NELL1: variants seen among roughly 807,000 people sequenced by gnomAD.
NELL1 encodes the protein protein kinase C-binding protein NELL1.
Under a neutral mutation model 107.4 loss-of-function variants are expected in NELL1, and 76 were observed. The observed-to-expected ratio is 0.71, with a 90% CI of 0.59 to 0.86. The LOEUF is 0.86. Ranked by LOEUF, NELL1 falls within the 40% of genes least tolerant of loss-of-function variation. The pLI, the probability that NELL1 is intolerant of heterozygous loss-of-function variation, is 0.00. For missense variants in NELL1, 1,024 were observed against 1,005.5 expected, an observed-to-expected ratio of 1.02 and a Z score of -0.25; for synonymous variants, 353 against 341.2, an observed-to-expected ratio of 1.03 and a Z score of -0.38.
At chr11:21,070,807 T>C (rs898325222) in intron 12 of NELL1, among the ~76,000 whole-genome samples, 2 of 152,184 alleles carry the variant, frequency 1.3e-5, no homozygotes, top group Non-Finnish European at 2.9e-5. Context: ...GATTTGAGCC[T>C]AAAGATGCCT....
intron 15 of NELL1, among the ~76,000 whole-genome samples, chr11:21,493,517 G>A (rs548002811): frequency 1.2e-3 from 114 of 94,894 alleles, no homozygotes; most frequent in African/African-American, 4.4e-3. Context: ...TCTCACTTAT[G>A]TGTAGGAGCT....
At chr11:21,145,914 C>T (rs1477316042) in intron 13 of NELL1, among the ~76,000 whole-genome samples, 2 of 152,160 alleles carry the variant, frequency 1.3e-5, no homozygotes, top group African/African-American at 4.8e-5. Flanking sequence ...TTATGTCTTT[C>T]CCTCATTCTA....
rs1459238244 is a variant in NELL1 at position 20,782,190 on chromosome 11, A to C, written c.185-1490A>C. On this transcript the variant is annotated intron_variant, in intron 2 of 19. Transcript: ENST00000357134. Reference sequence around the variant, plus strand: ...GCTGGGATTTTGTAGAAGGCATAGAAGCATTTTTCAAGATGCTATCTCTTT... The same window carrying C: ...GCTGGGATTTTGTAGAAGGCATAGACGCATTTTTCAAGATGCTATCTCTTT... Among the ~76,000 whole-genome samples, 9 of 152,346 alleles carry C rather than the reference A, an allele frequency of 5.9e-5. 1 individual carries two copies. The South Asian group carries it at 8.3e-4, about 14-fold the overall frequency.
intron 2 of NELL1, among the ~76,000 whole-genome samples, chr11:20,779,400 G>A (rs572123516): frequency 3.9e-5 from 6 of 152,274 alleles, no homozygotes; most frequent in African/African-American, 1.4e-4. Context: ...ATGTTTCACA[G>A]GTTTCTAACT....
intron 12 of NELL1, among the ~76,000 whole-genome samples, chr11:21,052,605 C>T (rs998408075): frequency 6.6e-6 from 1 of 152,102 alleles, no homozygotes; most frequent in African/African-American, 2.4e-5. Flanking sequence ...AGGAAATCTC[C>T]AGCTGTGCTG....
chr11:20,843,018 A>G (rs1045806457), intron 3 of NELL1, among the ~76,000 whole-genome samples: 11 of 152,170 alleles, frequency 7.2e-5, no homozygotes, highest in Admixed American at 5.9e-4. Flanking sequence ...AGGTCTTACA[A>G]AATTGTAGGC....
intron 13 of NELL1, among the ~76,000 whole-genome samples, chr11:21,203,633 G>A (rs1275938077): frequency 6.6e-6 from 1 of 152,104 alleles, no homozygotes; most frequent in Admixed American, 6.6e-5. Context: ...ATACTGTTAT[G>A]TGTGAATTTG....
At chr11:21,303,127 A>G (rs185647296) in intron 14 of NELL1, among the ~76,000 whole-genome samples, 1 of 131,646 alleles carries the variant, frequency 7.6e-6, no homozygotes, top group African/African-American at 2.6e-5. Context: ...TCTTCTGTCT[A>G]TCTATACACA....
chr11:21,447,850 T>C (rs759474584), intron 15 of NELL1, among the ~76,000 whole-genome samples: 1 of 152,076 alleles, frequency 6.6e-6, no homozygotes, highest in Non-Finnish European at 1.5e-5. Context: ...GCACATCAAG[T>C]ATATTTAGGA....
Position 20,991,991 on chromosome 11 carries a change from C to CAAAAAAA in NELL1, c.1300+31445_1300+31451dup, listed in dbSNP as rs57278158. Among the ~76,000 whole-genome samples the CAAAAAAA allele has an allele frequency of 8.2e-5, 9 of 110,042 alleles. 1 individual carries two copies. Among genetic ancestry groups the CAAAAAAA allele is most frequent in the African/African-American group, 1.7e-4 (5 of 29,044 alleles). The allele number at this position is 110,042 out of a possible 152,430, so 72.2% of individuals were successfully genotyped here. A position where few individuals can be genotyped will look rare whatever the true frequency, so the allele number is the denominator to read the frequency against. ...GTTCTTTCAAAGCCAGTGTAGCATG[C>CAAAAAAA]AAAAAAAAAAAAAAAAAAAAGTTGA... On this transcript the variant is annotated intron_variant, in intron 12 of 19. Transcript: ENST00000357134.
At chr11:20,839,314 C>T (rs1225810710) in intron 3 of NELL1, among the ~76,000 whole-genome samples, 1 of 152,140 alleles carries the variant, frequency 6.6e-6, no homozygotes, top group Non-Finnish European at 1.5e-5. Flanking sequence ...TTTGTAATTG[C>T]TGTCACGATT....
chr11:21,100,606 C>G (rs899538714), intron 12 of NELL1, among the ~76,000 whole-genome samples: 2 of 152,186 alleles, frequency 1.3e-5, no homozygotes, highest in Non-Finnish European at 2.9e-5. Context: ...TAGACATATA[C>G]TCCAAGGAAC....
rs150883714 is a variant in NELL1 at position 20,938,008 on chromosome 11, C to G, written c.1071+149C>G. 1,044 of 687,976 alleles carry G rather than the reference C, an allele frequency of 1.5e-3. 4 individuals carry two copies. In the African/African-American group the frequency reaches 0.016, roughly 11 times the overall value. 42.6% of individuals were successfully genotyped at this position (687,976 alleles called of 1,614,324 possible). A position where few individuals can be genotyped will look rare whatever the true frequency, so the allele number is the denominator to read the frequency against. On this transcript the variant is annotated intron_variant, in intron 10 of 19. Coordinates refer to ENST00000357134, the MANE Select transcript of NELL1 (RefSeq NM_006157.5). ...TGCGGTGGGTTGGATTACATGATGGCGAGGATCCAGCCAGGCCATTTATGT... is the reference window on the plus strand; with the variant it reads ...TGCGGTGGGTTGGATTACATGATGGGGAGGATCCAGCCAGGCCATTTATGT...
chr11:21,481,535 A>ATATT, intron 15 of NELL1, among the ~76,000 whole-genome samples: 1 of 152,348 alleles, frequency 6.6e-6, no homozygotes, highest in African/African-American at 2.4e-5. Flanking sequence ...GACCTGCTAG[A>ATATT]TATTTCCTAA....
At chr11:20,959,408 G>A (rs7126929) in intron 11 of NELL1, among the ~76,000 whole-genome samples, 58,279 of 152,012 alleles carry the variant, frequency 0.38, 12,142 homozygotes, top group East Asian at 0.59. Flanking sequence ...CAATTGCAAA[G>A]ACATGGAACC....
At chr11:21,338,153 T>C (rs548848747) in intron 14 of NELL1, among the ~76,000 whole-genome samples, 3 of 152,214 alleles carry the variant, frequency 2.0e-5, no homozygotes, top group South Asian at 2.1e-4. Flanking sequence ...ATAATGACAA[T>C]GCAATGTAAA....
In NELL1 at chr11:21,169,728, T is replaced by C. The variant is rs1856561328; in HGVS notation, c.1426+56014T>C. The C allele has an allele frequency of 1.0e-5, 8 of 794,582 alleles. No homozygotes were observed. In the South Asian group the frequency reaches 1.5e-4, roughly 15 times the overall value. 49.2% of individuals were successfully genotyped at this position (794,582 alleles called of 1,614,324 possible). ...CCTTGGTCATCTTTTGGCACAGAAGTAGTCATGTGACCAGTCTGACTCCTA... is the reference window on the plus strand; with the variant it reads ...CCTTGGTCATCTTTTGGCACAGAAGCAGTCATGTGACCAGTCTGACTCCTA... On this transcript the variant is annotated intron_variant, in intron 13 of 19. Transcript: ENST00000357134.
intron 2 of NELL1, among the ~76,000 whole-genome samples, chr11:20,750,140 T>C (rs910140299): frequency 9.9e-5 from 15 of 152,162 alleles, no homozygotes; most frequent in Non-Finnish European, 2.1e-4. Context: ...CAAACGTATA[T>C]TTAGTATTAT....
intron 2 of NELL1, among the ~76,000 whole-genome samples, chr11:20,687,386 G>A (rs1289923248): frequency 6.6e-6 from 1 of 151,840 alleles, no homozygotes; most frequent in Non-Finnish European, 1.5e-5. Flanking sequence ...GTCATGTGGT[G>A]TCTTTATGAC....
Sources: allele counts gnomAD v4.1 joint callset (sites outside exome capture counted in the v4.1 genomes callset), GRCh38; gene constraint gnomAD v4.1.1; transcripts MANE v1.5; gene names NCBI Gene and HGNC (gene_info 2026-07-23, HGNC 2026-07-21).